Variants in GPC5 observed in about 807,000 individuals in gnomAD.
GPC5 encodes glypican-5.
In GPC5, 47 loss-of-function variants were observed where a neutral mutation model predicts 53.9. The ratio of observed to expected loss-of-function variants is 0.87; its 90% CI spans 0.69 to 1.11. The LOEUF is 1.11. GPC5 is among the 50% of genes most tolerant of loss of function. The pLI, the probability that GPC5 is intolerant of heterozygous loss-of-function variation, is 0.00. For synonymous variants in GPC5, 286 were observed against 263.3 expected, an observed-to-expected ratio of 1.09 and a Z score of -0.84; for missense variants, 748 against 713.1, an observed-to-expected ratio of 1.05 and a Z score of -0.56.
chr13:91,861,466 C>T (rs1316982664), intron 5 of GPC5, among the ~76,000 whole-genome samples: 3 of 152,082 alleles, frequency 2.0e-5, no homozygotes, highest in Middle Eastern at 3.4e-3. Context: ...TGAGATGCCC[C>T]CATTTTCTCT....
At chr13:91,625,216 T>TAA (rs67229570) in intron 2 of GPC5, among the ~76,000 whole-genome samples, 3 of 143,182 alleles carry the variant, frequency 2.1e-5, no homozygotes, top group East Asian at 2.1e-4. Context: ...ACATGCAACA[T>TAA]AAAAAAAAAA....
chr13:92,594,368 G>A (rs1367253522), intron 7 of GPC5, among the ~76,000 whole-genome samples: 2 of 152,170 alleles, frequency 1.3e-5, no homozygotes, highest in Admixed American at 6.5e-5. Context: ...ACACAGGTGA[G>A]AGCAAATGTG....
chr13:92,180,821 TC>T, intron 7 of GPC5: 1 of 230,254 alleles, frequency 4.3e-6, no homozygotes. Flanking sequence ...TTCCTTCCCA[TC>T]CCAATCCTGA....
chr13:92,705,212 T>C (rs986255834), intron 7 of GPC5, among the ~76,000 whole-genome samples: 2 of 152,148 alleles, frequency 1.3e-5, no homozygotes, highest in African/African-American at 4.8e-5. Context: ...TAGCTATTCA[T>C]TCAAATAAGT....
rs185766445 is a variant in GPC5 at position 92,538,269 on chromosome 13, C to A, written c.1562-328013C>A. Reference sequence around the variant, plus strand: ...CCCCACCTGATCTTCCTTCTCTCCTCCCCTTTTCCTCCTTTTTCTTTCTTC... The same window carrying A: ...CCCCACCTGATCTTCCTTCTCTCCTACCCTTTTCCTCCTTTTTCTTTCTTC... On this transcript the variant is annotated intron_variant, in intron 7 of 7. Coordinates refer to ENST00000377067, the MANE Select transcript of GPC5 (RefSeq NM_004466.6). Among the ~76,000 whole-genome samples the A allele has an allele frequency of 8.6e-4, 130 of 151,940 alleles. 1 individual carries two copies. The highest frequency in any genetic ancestry group is 2.9e-3 in the African/African-American group (122 of 41,482).
intron 7 of GPC5, among the ~76,000 whole-genome samples, chr13:92,370,320 C>A (rs1436691551): frequency 6.6e-6 from 1 of 152,066 alleles, no homozygotes; most frequent in Non-Finnish European, 1.5e-5. Flanking sequence ...GCTTATTTTC[C>A]GTAATGTGGT....
intron 7 of GPC5, among the ~76,000 whole-genome samples, chr13:92,677,871 A>C (rs535037874): frequency 6.6e-6 from 1 of 152,280 alleles, no homozygotes; most frequent in South Asian, 2.1e-4. Context: ...ATCTTCACTA[A>C]TCTTCAGCTC....
intron 7 of GPC5, among the ~76,000 whole-genome samples, chr13:92,247,358 C>T (rs1391930144): frequency 6.6e-6 from 1 of 152,154 alleles, no homozygotes; most frequent in Non-Finnish European, 1.5e-5. Context: ...GATTAGTTAA[C>T]TGTCTTATCT....
At chr13:92,436,278 G>C (rs749372742) in intron 7 of GPC5, among the ~76,000 whole-genome samples, 31 of 149,742 alleles carry the variant, frequency 2.1e-4, no homozygotes, top group Non-Finnish European at 4.6e-4. Flanking sequence ...ACACAATCTG[G>C]TATATGAATG....
intron 7 of GPC5, among the ~76,000 whole-genome samples, chr13:92,283,075 A>G (rs2042928450): frequency 6.6e-6 from 1 of 152,216 alleles, no homozygotes; most frequent in African/African-American, 2.4e-5. Flanking sequence ...GAAAACCAAA[A>G]TGCAGTGGTT....
intron 2 of GPC5, among the ~76,000 whole-genome samples, chr13:91,556,555 G>GTATATA (rs751159320): frequency 1.4e-5 from 2 of 146,590 alleles, no homozygotes; most frequent in African/African-American, 5.0e-5. Flanking sequence ...GTGTGTGTGT[G>GTATATA]TATATATATA....
rs141997441 is a variant in GPC5 at position 92,168,920 on chromosome 13, A to G, written c.1561+23931A>G. ...CAGCACTATTCACAATAGCAAAGAC[A>G]TAGAATCAACCCACCCCAACAGTTA... On this transcript the variant is annotated intron_variant, in intron 7 of 7. Coordinates refer to ENST00000377067, the MANE Select transcript of GPC5 (RefSeq NM_004466.6). 4.9e-3 allele frequency among the ~76,000 whole-genome samples: 740 copies of G among 152,326 alleles called. 10 individuals are homozygous for G. The highest frequency in any genetic ancestry group is 0.016 in the African/African-American group (668 of 41,584).
At chr13:92,771,383 C>T (rs1329570951) in intron 7 of GPC5, among the ~76,000 whole-genome samples, 1 of 152,160 alleles carries the variant, frequency 6.6e-6, no homozygotes, top group African/African-American at 2.4e-5. Context: ...CGCTCTGTCG[C>T]CCAGGCTGGA....
chr13:92,516,046 G>A (rs1306628513), intron 7 of GPC5, among the ~76,000 whole-genome samples: 1 of 152,024 alleles, frequency 6.6e-6, no homozygotes, highest in Non-Finnish European at 1.5e-5. Context: ...TTGACTTTGT[G>A]CCATGAACTT....
intron 7 of GPC5, among the ~76,000 whole-genome samples, chr13:92,297,444 G>A (rs1388891945): frequency 1.5e-5 from 2 of 135,468 alleles, no homozygotes; most frequent in African/African-American, 5.7e-5. Context: ...TTTATGTCTA[G>A]CTCAAGGATT....
chr13:91,682,039 T>G (rs2035520150), intron 2 of GPC5, among the ~76,000 whole-genome samples: 1 of 152,188 alleles, frequency 6.6e-6, no homozygotes, highest in Non-Finnish European at 1.5e-5. Context: ...ATGTGATATA[T>G]ATGGTTCCGA....
chr13:92,279,155 A>G (rs2042896085), intron 7 of GPC5, among the ~76,000 whole-genome samples: 1 of 152,078 alleles, frequency 6.6e-6, no homozygotes. Flanking sequence ...GATTACCAAT[A>G]CAGGCTATAT....
intron 7 of GPC5, among the ~76,000 whole-genome samples, chr13:92,753,974 G>A (rs1212729591): frequency 7.2e-6 from 1 of 139,420 alleles, no homozygotes; most frequent in Admixed American, 7.7e-5. Flanking sequence ...AGGAAATACA[G>A]AGAACGCCAC....
intron 7 of GPC5, among the ~76,000 whole-genome samples, chr13:92,773,608 CTTATAAATGTA>C (rs1566412373): frequency 6.6e-6 from 1 of 152,162 alleles, no homozygotes; most frequent in East Asian, 1.9e-4. Context: ...ATCTTCCACA[CTTATAAATGTA>C]TTATACCAGC....
Sources: allele counts gnomAD v4.1 joint callset (sites outside exome capture counted in the v4.1 genomes callset), GRCh38; gene constraint gnomAD v4.1.1; transcripts MANE v1.5; gene names NCBI Gene and HGNC (gene_info 2026-07-23, HGNC 2026-07-21).